RASSF2: variants seen among roughly 807,000 people sequenced by gnomAD.
RASSF2 encodes the protein ras association domain-containing protein 2.
A neutral mutation model predicts 46.3 loss-of-function variants in RASSF2; 34 were observed. The ratio of observed to expected loss-of-function variants is 0.73; its 90% CI spans 0.56 to 0.98. The LOEUF is 0.98. Among genes scored for constraint, RASSF2 ranks in the 50% least tolerant of loss-of-function variants. The pLI is 0.00. For missense variants in RASSF2, 364 were observed against 431.2 expected, an observed-to-expected ratio of 0.84 and a Z score of 1.38; for synonymous variants, 158 against 162.5, an observed-to-expected ratio of 0.97 and a Z score of 0.21.
intron 3 of RASSF2, among the ~76,000 whole-genome samples, chr20:4,800,359 T>G (rs1926756986): frequency 6.6e-6 from 1 of 152,116 alleles, no homozygotes; most frequent in South Asian, 2.1e-4. Flanking sequence ...TCTGAGTCCA[T>G]TCTGGCTGCC....
rs1925066395 is a variant in RASSF2 at position 4,784,073 on chromosome 20, G to GA, written c.*199dup. ...CTAAAATCAAAAGTCCTTGTGAGCAGAAAAAAGGAGGGCAGGGGTCCAGGG... is the reference window on the plus strand; with the variant it reads ...CTAAAATCAAAAGTCCTTGTGAGCAGAAAAAAAGGAGGGCAGGGGTCCAGGG... On this transcript the variant is annotated 3_prime_UTR_variant, in exon 12 of 12. Transcript: ENST00000379400. The GA allele has an allele frequency of 1.6e-6, 1 of 606,328 alleles. No homozygotes were observed. Among genetic ancestry groups the GA allele is most frequent in the Non-Finnish European group, 3.0e-6 (1 of 338,968 alleles). 37.6% of individuals were successfully genotyped at this position (606,328 alleles called of 1,614,324 possible). A position where few individuals can be genotyped will look rare whatever the true frequency, so the allele number is the denominator to read the frequency against.
intron 2 of RASSF2, among the ~76,000 whole-genome samples, chr20:4,819,527 C>T (rs1236906973): frequency 1.3e-5 from 2 of 152,076 alleles, no homozygotes; most frequent in Non-Finnish European, 1.5e-5. Context: ...AAAAGAGAGG[C>T]GAGGAAGCTG....
At position 4,795,868 on chromosome 20, in the gene RASSF2, T is replaced by C; in HGVS notation, c.234A>G (p.Arg78=). 2 of 1,608,380 alleles carry C rather than the reference T, an allele frequency of 1.2e-6. No individual in the cohort carries two copies. Among genetic ancestry groups the C allele is most frequent in the Non-Finnish European group, 1.7e-6 (2 of 1,177,072 alleles). The stretch of plus-strand genomic sequence containing the variant: ...GCCAGGAGGAGGAGGATGGAGGGGG[T>C]CGAATGCGTTCGTTGTCATCCTGCA... The part of the protein sequence containing the change: ...LQMQDDNERI[R]PPPSSSSWHS... Residue 78 remains arginine, a synonymous_variant, in exon 5 of 12, where the codon CGA becomes CGG. Coordinates refer to ENST00000379400, the MANE Select transcript of RASSF2 (RefSeq NM_014737.3). The surrounding 1 kb of genome is among the most constrained non-coding windows in gnomAD (Gnocchi z 4.0).
At chr20:4,814,803 G>C (rs370855481) in intron 2 of RASSF2, among the ~76,000 whole-genome samples, 1 of 152,178 alleles carries the variant, frequency 6.6e-6, no homozygotes, top group African/African-American at 2.4e-5. Context: ...CACATCGGGG[G>C]GTTTCCAGAC....
chr20:4,796,051 T>C, intron 4 of RASSF2, 85 bp from the exon 5 acceptor site: 1 of 1,407,544 alleles, frequency 7.1e-7, no homozygotes, highest in Non-Finnish European at 9.3e-7. Context: ...GACACATTCT[T>C]CACATGTCCT....
intron 2 of RASSF2, among the ~76,000 whole-genome samples, chr20:4,815,778 G>A (rs1477765586): frequency 1.3e-5 from 2 of 152,222 alleles, no homozygotes; most frequent in Non-Finnish European, 2.9e-5. Flanking sequence ...CAGCCAGCAA[G>A]CCATGCTGTG....
chr20:4,801,679 G>GTA (rs570294995), intron 2 of RASSF2, among the ~76,000 whole-genome samples: 178 of 152,034 alleles, frequency 1.2e-3, no homozygotes, highest in African/African-American at 4.1e-3. Flanking sequence ...ATTCAGATAG[G>GTA]TATATATATA....
chr20:4,796,673 C>A (rs1286065739), intron 4 of RASSF2, among the ~76,000 whole-genome samples: 1 of 152,190 alleles, frequency 6.6e-6, no homozygotes, highest in African/African-American at 2.4e-5. Flanking sequence ...AATGTAAAAC[C>A]ATTCTAGAGG....
rs145350338 is a variant in RASSF2 at position 4,806,278 on chromosome 20, G to A, written c.-32-5216C>T. ...GCAGCCTCTGTTAAACCACACAAAGGTCATGGGGGAACTCAGCCAGAGCTG... is the reference window on the plus strand; with the variant it reads ...GCAGCCTCTGTTAAACCACACAAAGATCATGGGGGAACTCAGCCAGAGCTG... On this transcript the variant is annotated intron_variant, in intron 2 of 11. Coordinates refer to ENST00000379400, the MANE Select transcript of RASSF2 (RefSeq NM_014737.3). Among the ~76,000 whole-genome samples, 167 of 152,336 alleles carry A rather than the reference G, an allele frequency of 1.1e-3. 4 individuals carry two copies. In the South Asian group the frequency reaches 0.014, roughly 12 times the overall value.
intron 2 of RASSF2, among the ~76,000 whole-genome samples, chr20:4,803,463 A>G (rs1927062259): frequency 6.6e-6 from 1 of 152,192 alleles, no homozygotes; most frequent in East Asian, 1.9e-4. Flanking sequence ...GAGATAATCA[A>G]TTAGCGTTGG....
At chr20:4,813,131 C>T (rs903558952) in intron 2 of RASSF2, among the ~76,000 whole-genome samples, 23 of 152,110 alleles carry the variant, frequency 1.5e-4, no homozygotes, top group African/African-American at 5.1e-4. Flanking sequence ...ATTCACAGGC[C>T]CCGCAGACCA....
At chr20:4,817,984 T>C (rs1328232960) in intron 2 of RASSF2, among the ~76,000 whole-genome samples, 2 of 152,026 alleles carry the variant, frequency 1.3e-5, no homozygotes, top group Non-Finnish European at 2.9e-5. Flanking sequence ...CAATAATCAT[T>C]AGCCAGACGC....
At chr20:4,809,335 A>G (rs1008833169) in intron 2 of RASSF2, among the ~76,000 whole-genome samples, 4 of 151,978 alleles carry the variant, frequency 2.6e-5, no homozygotes, top group Non-Finnish European at 5.9e-5. Flanking sequence ...CCTACTTTTT[A>G]TGCTCTGTGA....
Position 4,786,288 on chromosome 20 carries a change from C to A in RASSF2, c.854G>T (p.Ser285Ile), listed in dbSNP as rs777479588. Residue 285 changes from serine (S) to isoleucine (I), a missense_variant, in exon 11 of 12, where the codon AGC (serine) becomes ATC (isoleucine). Physicochemically the swap from Ser to Ile is moderately radical, Grantham distance 142. Coordinates refer to ENST00000379400, the MANE Select transcript of RASSF2 (RefSeq NM_014737.3). ...YIKFEMPVLK[S>I]FIQKLQEEED... ...TTCCTCCTGGAGCTTCTGAATGAAG[C>A]TTTTAAGTACCGGCATCTCGAACTT... The A allele has an allele frequency of 6.2e-7, 1 of 1,613,558 alleles. No homozygotes were observed. The highest frequency in any genetic ancestry group is 8.5e-7 in the Non-Finnish European group (1 of 1,179,462).
rs1359390725 is a variant in RASSF2, at chr20:4,782,017, T to C, written c.*2256A>G. The C allele has an allele frequency of 2.0e-5, 3 of 152,232 alleles. No homozygotes were observed. Among genetic ancestry groups the C allele is most frequent in the Non-Finnish European group, 2.9e-5 (2 of 68,046 alleles). 9.4% of individuals were successfully genotyped at this position (152,232 alleles called of 1,614,324 possible). A position where few individuals can be genotyped will look rare whatever the true frequency, so the allele number is the denominator to read the frequency against. On this transcript the variant is annotated 3_prime_UTR_variant, in exon 12 of 12. Transcript: ENST00000379400. ...CAAAATGGAAAAGTGTGGTCTGCAT[T>C]ACGTGGAAGTGTGTTGTGTGAGATG...
chr20:4,814,637 A>C (rs1928133027), intron 2 of RASSF2, among the ~76,000 whole-genome samples: 1 of 152,104 alleles, frequency 6.6e-6, no homozygotes, highest in Non-Finnish European at 1.5e-5. Context: ...GTGTGTCCAG[A>C]GCCCTCCAGG....
At chr20:4,809,226 G>C (rs1927573988) in intron 2 of RASSF2, among the ~76,000 whole-genome samples, 1 of 152,146 alleles carries the variant, frequency 6.6e-6, no homozygotes, top group Non-Finnish European at 1.5e-5. Flanking sequence ...ACAGCTTGGG[G>C]GTAAGACCTT....
intron 6 of RASSF2, among the ~76,000 whole-genome samples, chr20:4,791,856 A>G (rs552436913): frequency 5.3e-5 from 8 of 152,368 alleles, no homozygotes; most frequent in Admixed American, 5.2e-4. Flanking sequence ...AGAATAAGGA[A>G]GTTCTTTACA....
At chr20:4,789,074 A>C (rs1925623205) in intron 8 of RASSF2, among the ~76,000 whole-genome samples, 2 of 152,178 alleles carry the variant, frequency 1.3e-5, no homozygotes, top group East Asian at 3.9e-4. Flanking sequence ...TCTCCAAAAG[A>C]TCTCTGGTCT....
Sources: gnomAD v4.1 joint callset for allele counts (sites outside exome capture counted in the v4.1 genomes callset) on GRCh38, gnomAD v4.1.1 for gene constraint, Gnocchi (gnomAD v3.1) non-coding constraint, MANE v1.5 for transcripts, NCBI Gene and HGNC (gene_info 2026-07-23, HGNC 2026-07-21) for gene names.